The following UGT1A6 variants were observed in gnomAD, a reference collection of about 807,000 sequenced individuals.
UGT1A6 encodes UDP glucuronosyltransferase family 1 member A6, also known as UDP-glucuronosyltransferase 1A6.
A neutral mutation model predicts 44.4 loss-of-function variants in UGT1A6; 32 were observed. The ratio of observed to expected loss-of-function variants is 0.72; its 90% CI spans 0.54 to 0.97. The LOEUF (loss-of-function observed/expected upper bound fraction) is 0.97. Among genes scored for constraint, UGT1A6 ranks in the 50% least tolerant of loss-of-function variants. UGT1A6 has a pLI of 0.00. For missense variants in UGT1A6, 685 were observed against 661.9 expected (o/e 1.03, Z -0.38); for synonymous variants, 238 against 248.5 (o/e 0.96, Z 0.40).
intron 1 of UGT1A6, among the ~76,000 whole-genome samples, chr2:233,703,870 A>T (rs4439950): frequency 1 from 151,412 of 152,146 alleles, 75,342 homozygotes; most frequent in East Asian, 1. Context: ...TGTAGATGGA[A>T]TTATGTCTAC....
rs567983047 is a variant in UGT1A6, at chr2:233,769,352, G to A, written c.1301+913G>A. On this transcript the variant is annotated intron_variant, in intron 4 of 4. Transcript: ENST00000305139. This position sits in a 1 kb window ranked among gnomAD's most constrained non-coding sequence, Gnocchi z 4.4. The stretch of plus-strand genomic sequence containing the variant: ...GCTTATTAGAACCTTATGGGAAGAA[G>A]TGGTGGCCAGTGGTAGATTTCATCC... 6.6e-6 allele frequency among the ~76,000 whole-genome samples: 1 copy of A among 152,372 alleles called. No homozygotes were observed. Among genetic ancestry groups the A allele is most frequent in the East Asian group, 1.9e-4 (1 of 5,194 alleles).
At chr2:233,745,784 G>A (rs1693214179) in intron 1 of UGT1A6, among the ~76,000 whole-genome samples, 1 of 151,038 alleles carries the variant, frequency 6.6e-6, no homozygotes, top group Non-Finnish European at 1.5e-5. Flanking sequence ...GCTTAGACAG[G>A]GGGGCTGGGG....
chr2:233,743,994 TG>T, intron 1 of UGT1A6: 1 of 1,253,164 alleles, frequency 8.0e-7, no homozygotes, highest in Non-Finnish European at 1.0e-6. Flanking sequence ...CAGGCCCGAG[TG>T]CTCGGAGACC....
chr2:233,769,644 G>T lies in UGT1A6; in HGVS notation c.1301+1205G>T. The T allele has an allele frequency of 1.2e-6, 2 of 1,608,952 alleles. No homozygotes were observed. Among genetic ancestry groups the T allele is most frequent in the South Asian group, 2.2e-5 (2 of 90,446 alleles). On this transcript the variant is annotated intron_variant, in intron 4 of 4. Transcript: ENST00000305139. This position sits in a 1 kb window ranked among gnomAD's most constrained non-coding sequence, Gnocchi z 4.4. The stretch of plus-strand genomic sequence containing the variant: ...CAAGGGACAACAGGGGAGGACTGAT[G>T]ACTGACTTCCCACCTTTGAGGTGCT...
Position 233,693,653 on chromosome 2 carries a change from T to A in UGT1A6, c.649T>A (p.Leu217Met), listed in dbSNP as rs1169915380. Residue 217 changes from leucine (L) to methionine (M), a missense_variant, in exon 1 of 5, where the codon TTG (leucine) becomes ATG (methionine). Leu to Met is a conservative substitution (Grantham distance 15, BLOSUM62 2). Coordinates refer to ENST00000305139, the MANE Select transcript of UGT1A6 (RefSeq NM_001072.4). Reference sequence around the variant, plus strand: ...AGTGGCCAACTTCCTTGTTAATTTGTTGGAGCCCTATCTATTTTATTGTCT... The same window carrying A: ...AGTGGCCAACTTCCTTGTTAATTTGATGGAGCCCTATCTATTTTATTGTCT... ...QRVANFLVNL[L>M]EPYLFYCLFS... The A allele has an allele frequency of 1.9e-6, 3 of 1,614,138 alleles. No homozygotes were observed. In the African/African-American group the frequency reaches 4.0e-5, roughly 22 times the overall value.
At chr2:233,738,180 G>A (rs566528784) in intron 1 of UGT1A6, among the ~76,000 whole-genome samples, 8 of 152,232 alleles carry the variant, frequency 5.3e-5, no homozygotes, top group African/African-American at 1.4e-4. Flanking sequence ...CATGTAAGAC[G>A]TGTCTTTGCC....
At chr2:233,724,991 G>A (rs997879259) in intron 1 of UGT1A6, among the ~76,000 whole-genome samples, 1 of 144,104 alleles carries the variant, frequency 6.9e-6, no homozygotes, top group African/African-American at 2.7e-5. Context: ...GCGGTTAGGG[G>A]CTGGAGACCG....
At chr2:233,713,888 G>A in intron 1 of UGT1A6, 1 of 1,613,420 alleles carries the variant, frequency 6.2e-7, no homozygotes, top group Non-Finnish European at 8.5e-7. Context: ...TCCAATCAAT[G>A]TTCCAGGCAA....
chr2:233,724,874 C>A (rs370433880), intron 1 of UGT1A6, among the ~76,000 whole-genome samples: 1 of 128,396 alleles, frequency 7.8e-6, no homozygotes, highest in Non-Finnish European at 1.6e-5. Flanking sequence ...TTGTAGTGAG[C>A]GGAGATCACG....
chr2:233,731,662 A>G (rs2078189786), intron 1 of UGT1A6, among the ~76,000 whole-genome samples: 1 of 151,984 alleles, frequency 6.6e-6, no homozygotes, highest in African/African-American at 2.4e-5. Flanking sequence ...TATGTGCCAC[A>G]TTTTCTTAAT....
chr2:233,709,806 A>G (rs1242938864), intron 1 of UGT1A6, among the ~76,000 whole-genome samples: 1 of 152,186 alleles, frequency 6.6e-6, no homozygotes, highest in African/African-American at 2.4e-5. Context: ...TACATTTCTG[A>G]GTTGTAATGA....
intron 1 of UGT1A6, among the ~76,000 whole-genome samples, chr2:233,735,339 T>G (rs1056442673): frequency 6.6e-6 from 1 of 151,862 alleles, no homozygotes; most frequent in Non-Finnish European, 1.5e-5. Context: ...AACCCCTGCT[T>G]TTTTTTTGCT....
intron 1 of UGT1A6, among the ~76,000 whole-genome samples, chr2:233,694,259 C>G (rs1291026484): frequency 6.6e-6 from 1 of 151,754 alleles, no homozygotes; most frequent in Non-Finnish European, 1.5e-5. Context: ...CAGGGACCAG[C>G]GAACTACAGC....
intron 1 of UGT1A6, among the ~76,000 whole-genome samples, chr2:233,750,457 C>T (rs542993869): frequency 6.6e-5 from 10 of 152,092 alleles, no homozygotes; most frequent in African/African-American, 2.4e-4. Flanking sequence ...AAACCAGCTA[C>T]AGAAATACTG....
Position 233,756,787 on chromosome 2 carries a change from G to A in UGT1A6, c.862-10247G>A, listed in dbSNP as rs1029492896. Among the ~76,000 whole-genome samples the A allele has an allele frequency of 9.9e-5, 15 of 151,900 alleles. No individual in the cohort carries two copies. The East Asian group carries it at 1.2e-3, about 12-fold the overall frequency. On this transcript the variant is annotated intron_variant, in intron 1 of 4. Coordinates refer to ENST00000305139, the MANE Select transcript of UGT1A6 (RefSeq NM_001072.4). ...GGATTCTTTGCTTTGATAAATTGTG[G>A]GGCAATACACTAGTAAAGGTCACTC... is the stretch of plus-strand genomic sequence containing the variant.
chr2:233,706,700 A>G (rs934221119), intron 1 of UGT1A6, among the ~76,000 whole-genome samples: 1 of 152,156 alleles, frequency 6.6e-6, no homozygotes, highest in African/African-American at 2.4e-5. Flanking sequence ...TTGTCACTGA[A>G]AAGTCATGGA....
At position 233,772,420 on chromosome 2, in the gene UGT1A6, C is replaced by G. The variant is rs72551360; in HGVS notation, c.1460C>G (p.Ser487Cys). Residue 487 changes from serine (S) to cysteine (C), a missense_variant, in exon 5 of 5, where the codon TCC becomes TGC. Ser to Cys is a moderately radical substitution (Grantham distance 112, BLOSUM62 -1). Coordinates refer to ENST00000305139, the MANE Select transcript of UGT1A6 (RefSeq NM_001072.4). ...GACCTCACCTGGTACCAGTACCATTCCTTGGACGTGATTGGTTTCCTCTTG... is the reference window on the plus strand; with the variant it reads ...GACCTCACCTGGTACCAGTACCATTGCTTGGACGTGATTGGTTTCCTCTTG... ...AHDLTWYQYH[S>C]LDVIGFLLAV... is the part of the protein sequence containing the mutation. The G allele has an allele frequency of 1.2e-6, 2 of 1,614,120 alleles. No homozygotes were observed. Among genetic ancestry groups the G allele is most frequent in the African/African-American group, 2.7e-5 (2 of 74,942 alleles).
At chr2:233,729,485 T>C in intron 1 of UGT1A6, 1 of 1,614,232 alleles carries the variant, frequency 6.2e-7, no homozygotes, top group Non-Finnish European at 8.5e-7. Context: ...TTGAACAATA[T>C]GTCTTTGGTC....
intron 1 of UGT1A6, among the ~76,000 whole-genome samples, chr2:233,704,992 C>T (rs970077925): frequency 2.6e-5 from 4 of 151,900 alleles, no homozygotes; most frequent in South Asian, 4.1e-4. Context: ...AGAAATTAGC[C>T]GGGTATGGTG....
Sources: allele counts gnomAD v4.1 joint callset (sites outside exome capture counted in the v4.1 genomes callset), GRCh38; gene constraint gnomAD v4.1.1; non-coding constraint Gnocchi (gnomAD v3.1); transcripts MANE v1.5; gene names NCBI Gene and HGNC (gene_info 2026-07-23, HGNC 2026-07-21).